Variants in UNC79 observed in about 807,000 individuals in gnomAD.
The protein encoded by UNC79 is unc-79 subunit of NALCN channel complex, also known as protein unc-79 homolog.
Under a neutral mutation model 283.1 loss-of-function variants are expected in UNC79, and 37 were observed. The ratio of observed to expected loss-of-function variants is 0.13; its 90% confidence interval spans 0.10 to 0.17. The LOEUF (loss-of-function observed/expected upper bound fraction) is 0.17. Among genes scored for constraint, UNC79 ranks in the 10% least tolerant of loss-of-function variants. The pLI, the probability that UNC79 is intolerant of heterozygous loss-of-function variation, is 1.00. For missense variants in UNC79, 2,272 were observed against 3,211.1 expected, an observed-to-expected ratio of 0.71 and a Z score of 7.07; for synonymous variants, 1,107 against 1,200.2, an observed-to-expected ratio of 0.92 and a Z score of 1.61.
intron 30 of UNC79, among the ~76,000 whole-genome samples, chr14:93,624,030 CATATTATACAGGAAGAT>C (rs2067347127): frequency 6.6e-6 from 1 of 152,206 alleles, no homozygotes; most frequent in African/African-American, 2.4e-5. Flanking sequence ...CCTAGCCCCT[CATATTATACAGGAAGAT>C]ACCGAGGCTT....
chr14:93,506,534 A>T (rs1194718433), intron 7 of UNC79, among the ~76,000 whole-genome samples: 1 of 152,198 alleles, frequency 6.6e-6, no homozygotes, highest in Non-Finnish European at 1.5e-5. Flanking sequence ...ATCAAAGTCA[A>T]TTGCCAATTA....
chr14:93,429,858 T>C (rs1180083968), upstream of UNC79, among the ~76,000 whole-genome samples: 1 of 152,236 alleles, frequency 6.6e-6, no homozygotes, highest in Non-Finnish European at 1.5e-5. Flanking sequence ...GCCCAGTAAC[T>C]CTTCAGGTGA....
At chr14:93,679,744 A>G (rs1011798176) in intron 41 of UNC79, among the ~76,000 whole-genome samples, 1 of 152,170 alleles carries the variant, frequency 6.6e-6, no homozygotes, top group African/African-American at 2.4e-5. Flanking sequence ...TTGATAATGA[A>G]GTTAGTAATG....
intron 1 of UNC79, among the ~76,000 whole-genome samples, chr14:93,379,712 G>A (rs1159613807): frequency 6.6e-6 from 1 of 150,596 alleles, no homozygotes. Context: ...GCAGGGGGAG[G>A]GTGGGAGGGG....
chr14:93,568,658 C>T (rs537381006), intron 14 of UNC79, among the ~76,000 whole-genome samples: 14 of 151,414 alleles, frequency 9.2e-5, no homozygotes, highest in South Asian at 2.1e-4. Context: ...GTAACAGGAG[C>T]GAAACTCCGT....
chr14:93,520,358 A>G (rs8013803), intron 7 of UNC79, among the ~76,000 whole-genome samples: 2,357 of 151,608 alleles, frequency 0.016, 64 homozygotes, highest in African/African-American at 0.054. Flanking sequence ...GTTTTCATCA[A>G]TTTGTTTATA....
At chr14:93,451,280 G>A (rs960240370) in intron 1 of UNC79, among the ~76,000 whole-genome samples, 2 of 152,124 alleles carry the variant, frequency 1.3e-5, no homozygotes, top group Admixed American at 1.3e-4. Context: ...GCTGACCTGA[G>A]CAGGTTAGAG....
upstream of UNC79, among the ~76,000 whole-genome samples, chr14:93,425,885 A>G (rs994103422): frequency 6.6e-6 from 1 of 152,160 alleles, no homozygotes; most frequent in African/African-American, 2.4e-5. Context: ...TCTTCAGTAA[A>G]AGACTCCATA....
At chr14:93,468,461 C>T (rs911267250) in intron 2 of UNC79, among the ~76,000 whole-genome samples, 4 of 152,212 alleles carry the variant, frequency 2.6e-5, no homozygotes, top group Admixed American at 2.6e-4. Flanking sequence ...TCAGAAGAAC[C>T]TCTCACGTTC....
At chr14:93,706,971 T>A, downstream of UNC79, 1 of 1,569,026 alleles carries the variant, frequency 6.4e-7, no homozygotes. Flanking sequence ...ACAAACAATT[T>A]GATCCAAGCA....
intron 1 of UNC79, among the ~76,000 whole-genome samples, chr14:93,369,532 A>T (rs2054401243): frequency 6.6e-6 from 1 of 152,248 alleles, no homozygotes; most frequent in Non-Finnish European, 1.5e-5. Context: ...AGTCATGAAC[A>T]GACACTGCCG....
At chr14:93,622,048 A>G in exon 30 of UNC79, 1 of 1,613,122 alleles carries the variant, frequency 6.2e-7, no homozygotes, top group Non-Finnish European at 8.5e-7. Context: ...AAGAGGATTT[A>G]GATCTGATAG....
intron 32 of UNC79, among the ~76,000 whole-genome samples, chr14:93,639,282 A>G (rs1364374005): frequency 6.6e-6 from 1 of 152,230 alleles, no homozygotes; most frequent in East Asian, 1.9e-4. Context: ...TTTTAGCACA[A>G]GCATTCTGAC....
At chr14:93,595,695 C>T (rs1248343599) in intron 23 of UNC79, among the ~76,000 whole-genome samples, 1 of 152,140 alleles carries the variant, frequency 6.6e-6, no homozygotes, top group Non-Finnish European at 1.5e-5. Flanking sequence ...CTTCTAGGTC[C>T]CCCCTGTGGA....
intron 38 of UNC79, among the ~76,000 whole-genome samples, chr14:93,657,774 C>G (rs530374812): frequency 6.6e-6 from 1 of 152,238 alleles, no homozygotes; most frequent in South Asian, 2.1e-4. Context: ...TGACAATCAA[C>G]CTGCCCATAG....
chr14:93,405,837 T>C lies in UNC79; in HGVS notation c.-350-61834T>C, dbSNP rs574972288. Reference sequence around the variant, plus strand: ...ATTTAAAAATAGTTAAATGTTTAACTCAAGAAACTAGAAATAGAAGAGCAG... The same window carrying C: ...ATTTAAAAATAGTTAAATGTTTAACCCAAGAAACTAGAAATAGAAGAGCAG... On this transcript the variant is annotated intron_variant, in intron 1 of 49. Transcript: ENST00000256339. Among the ~76,000 whole-genome samples the C allele has an allele frequency of 2.6e-5, 4 of 152,336 alleles. No individual in the cohort carries two copies. In the South Asian group the frequency reaches 8.3e-4, roughly 32 times the overall value.
intron 22 of UNC79, 22 bp from the exon 23 acceptor site, chr14:93,593,658 T>C (rs1464928074): frequency 7.5e-6 from 12 of 1,594,756 alleles, no homozygotes; most frequent in Non-Finnish European, 1.0e-5. Flanking sequence ...TGTCACCACT[T>C]TGCTTCTCCT....
chr14:93,466,314 G>A (rs2057177730), intron 1 of UNC79, among the ~76,000 whole-genome samples: 1 of 152,214 alleles, frequency 6.6e-6, no homozygotes, highest in South Asian at 2.1e-4. Context: ...GGTAACTTCT[G>A]GAAATTGCTT....
At chr14:93,491,416 T>G (rs1035511315) in intron 5 of UNC79, among the ~76,000 whole-genome samples, 1 of 152,162 alleles carries the variant, frequency 6.6e-6, no homozygotes, top group African/African-American at 2.4e-5. Flanking sequence ...ATTTGGAATC[T>G]AGTTAATTAG....
Sources: gnomAD v4.1 joint callset for allele counts (sites outside exome capture counted in the v4.1 genomes callset) on GRCh38, gnomAD v4.1.1 for gene constraint, MANE v1.5 for transcripts, NCBI Gene and HGNC (gene_info 2026-07-23, HGNC 2026-07-21) for gene names.